PTPRT: variants seen among roughly 807,000 people sequenced by gnomAD.
The protein encoded by PTPRT is receptor-type tyrosine-protein phosphatase T.
A neutral mutation model predicts 176.8 loss-of-function variants in PTPRT; 56 were observed. The observed-to-expected ratio is 0.32, with a 90% CI of 0.26 to 0.40. PTPRT has a LOEUF of 0.40. Among genes scored for constraint, PTPRT ranks in the 10% least tolerant of loss-of-function variants. The probability of loss-of-function intolerance (pLI) is 1.00; values close to 1 mark genes in which losing one functional copy is unlikely to be tolerated. For missense variants in PTPRT, 1,540 were observed against 1,908.2 expected (o/e 0.81, Z 3.60); for synonymous variants, 783 against 739.0 (o/e 1.06, Z -0.96).
intron 27 of PTPRT, among the ~76,000 whole-genome samples, chr20:42,095,492 C>T (rs1342172644): frequency 2.6e-5 from 4 of 152,206 alleles, no homozygotes; most frequent in Non-Finnish European, 4.4e-5. Flanking sequence ...CCCTGAGAGT[C>T]ACATGGCTCA....
At chr20:42,961,539 C>T (rs2080397863) in intron 1 of PTPRT, among the ~76,000 whole-genome samples, 1 of 152,222 alleles carries the variant, frequency 6.6e-6, no homozygotes. Context: ...TGTTATTCCA[C>T]ATCACAGACG....
chr20:42,302,343 C>T (rs745640802), intron 12 of PTPRT, among the ~76,000 whole-genome samples: 1 of 152,156 alleles, frequency 6.6e-6, no homozygotes, highest in Non-Finnish European at 1.5e-5. Context: ...TCTCTCTGGG[C>T]TTCATTCCAT....
intron 1 of PTPRT, among the ~76,000 whole-genome samples, chr20:43,150,239 C>T (rs2014307498): frequency 6.6e-6 from 1 of 152,126 alleles, no homozygotes; most frequent in East Asian, 1.9e-4. Context: ...CTGCCCTCTC[C>T]AGTGTTCATT....
chr20:42,978,773 G>A (rs948162059), intron 1 of PTPRT, among the ~76,000 whole-genome samples: 37 of 152,196 alleles, frequency 2.4e-4, no homozygotes, highest in African/African-American at 4.1e-4. Flanking sequence ...TCCCGCCAGC[G>A]CCATGACAGT....
chr20:42,490,397 ACT>A lies in PTPRT; in HGVS notation c.1154-17837_1154-17836del, dbSNP rs200431875. Among the ~76,000 whole-genome samples, 1,159 of 152,006 alleles carry A rather than the reference ACT, an allele frequency of 7.6e-3. 21 individuals carry two copies. Among genetic ancestry groups the A allele is most frequent in the African/African-American group, 0.027 (1,117 of 41,498 alleles). On this transcript the variant is annotated intron_variant, in intron 7 of 30. Coordinates refer to ENST00000373187, the MANE Select transcript of PTPRT (RefSeq NM_007050.6). ...CTCCATCTATTCAGGTCTTCTTTTA[ACT>A]CTCTTATTAAAGTTTTCTCCATTGA...
the PTPRT span, among the ~76,000 whole-genome samples, chr20:42,042,486 G>A: frequency 6.6e-6 from 1 of 152,226 alleles, no homozygotes; most frequent in Admixed American, 6.5e-5. Context: ...GACCTCTGTT[G>A]GTCTGGGAGC....
Position 42,873,384 on chromosome 20 carries a change from C to A in PTPRT, c.214+12423G>T, listed in dbSNP as rs78121369. Among the ~76,000 whole-genome samples the A allele has an allele frequency of 3.8e-3, 575 of 152,266 alleles. 6 individuals carry two copies. The highest frequency in any genetic ancestry group is 0.012 in the African/African-American group (501 of 41,534). On this transcript the variant is annotated intron_variant, in intron 2 of 30. Transcript: ENST00000373187. The stretch of plus-strand genomic sequence containing the variant: ...TAAAGGAAACAAGGCTTTAAAGCAC[C>A]TGGCACAGAATGAGTGCTTTATAAA...
At chr20:42,507,173 A>G (rs951410992) in intron 7 of PTPRT, among the ~76,000 whole-genome samples, 4 of 152,178 alleles carry the variant, frequency 2.6e-5, no homozygotes, top group African/African-American at 7.2e-5. Flanking sequence ...GGGATAATAT[A>G]CCTGAGAGGA....
At chr20:42,538,877 G>A (rs545702034) in intron 7 of PTPRT, among the ~76,000 whole-genome samples, 1 of 152,156 alleles carries the variant, frequency 6.6e-6, no homozygotes, top group Non-Finnish European at 1.5e-5. Context: ...TTTGTGCACT[G>A]TAATGTATCC....
intron 13 of PTPRT, among the ~76,000 whole-genome samples, chr20:42,278,257 T>G (rs2057080664): frequency 7.1e-6 from 1 of 140,958 alleles, no homozygotes; most frequent in African/African-American, 2.9e-5. Context: ...TAAGAGGCCA[T>G]CTTAAAGATA....
chr20:42,952,766 G>A (rs574606325), intron 1 of PTPRT, among the ~76,000 whole-genome samples: 6 of 152,134 alleles, frequency 3.9e-5, no homozygotes, highest in Non-Finnish European at 8.8e-5. Flanking sequence ...CCTGAGAATG[G>A]GTTACAAAGC....
chr20:42,051,787 A>G, the PTPRT span, among the ~76,000 whole-genome samples: 1 of 152,252 alleles, frequency 6.6e-6, no homozygotes, highest in Non-Finnish European at 1.5e-5. Context: ...CTGAAGTCAC[A>G]GTTATCCCTG....
At chr20:42,733,856 T>G (rs1300663215) in intron 6 of PTPRT, among the ~76,000 whole-genome samples, 1 of 152,078 alleles carries the variant, frequency 6.6e-6, no homozygotes, top group African/African-American at 2.4e-5. Context: ...GCACGAGGGA[T>G]GTACTGGGAG....
chr20:42,729,164 A>G (rs2076423450), intron 6 of PTPRT, among the ~76,000 whole-genome samples: 1 of 152,206 alleles, frequency 6.6e-6, no homozygotes, highest in South Asian at 2.1e-4. Context: ...CTCTGGAACC[A>G]GGCAAAAGAC....
chr20:43,085,703 C>A (rs913182487), intron 1 of PTPRT, among the ~76,000 whole-genome samples: 3 of 152,106 alleles, frequency 2.0e-5, no homozygotes, highest in Non-Finnish European at 4.4e-5. Context: ...ACAAGAACAG[C>A]ACGCGAAAAA....
intron 1 of PTPRT, among the ~76,000 whole-genome samples, chr20:43,061,932 A>ACTC (rs1469154691): frequency 6.6e-6 from 1 of 152,250 alleles, no homozygotes; most frequent in Non-Finnish European, 1.5e-5. Context: ...TTTTGAAGGA[A>ACTC]CAATTGACTG....
chr20:43,133,237 T>C (rs1156379180), intron 1 of PTPRT, among the ~76,000 whole-genome samples: 1 of 151,982 alleles, frequency 6.6e-6, no homozygotes, highest in Non-Finnish European at 1.5e-5. Flanking sequence ...TATTCCTCAG[T>C]AAAAAAGAAA....
chr20:42,880,643 A>T (rs776308440), intron 2 of PTPRT, among the ~76,000 whole-genome samples: 2 of 152,178 alleles, frequency 1.3e-5, no homozygotes, highest in Admixed American at 1.3e-4. Context: ...TGGGGAAGGC[A>T]GGGCTAGGAA....
intron 17 of PTPRT, among the ~76,000 whole-genome samples, chr20:42,145,893 T>G (rs1988849419): frequency 6.6e-6 from 1 of 152,230 alleles, no homozygotes; most frequent in East Asian, 1.9e-4. Flanking sequence ...CACCAATCTC[T>G]GACCTAAATC....
Sources: allele counts gnomAD v4.1 joint callset (sites outside exome capture counted in the v4.1 genomes callset), GRCh38; gene constraint gnomAD v4.1.1; transcripts MANE v1.5; gene names NCBI Gene and HGNC (gene_info 2026-07-23, HGNC 2026-07-21).